The following NRXN3 variants were observed in gnomAD, a reference collection of about 807,000 sequenced individuals.
NRXN3 encodes the protein neurexin III.
NRXN3 carries 32 observed loss-of-function variants against 137.6 expected under a neutral mutation model. That is an observed-to-expected ratio of 0.23 (90% CI 0.18 to 0.31). The LOEUF is 0.31. Ranked by LOEUF, NRXN3 falls within the 10% of genes least tolerant of loss-of-function variation. The pLI is 1.00. For synonymous variants in NRXN3, 798 were observed against 784.5 expected (o/e 1.02, Z -0.29); for missense variants, 1,574 against 2,062.5 (o/e 0.76, Z 4.59).
intron 16 of NRXN3, among the ~76,000 whole-genome samples, chr14:79,499,974 T>TGTGTGTGTGTGTGC (rs2096804709): frequency 6.6e-6 from 1 of 151,612 alleles, no homozygotes; most frequent in African/African-American, 2.4e-5. Context: ...TGTGTGTGTG[T>TGTGTGTGTGTGTGC]GTGTGTGTGT....
intron 4 of NRXN3, among the ~76,000 whole-genome samples, chr14:78,394,907 G>A (rs911854679): frequency 6.6e-6 from 1 of 151,740 alleles, no homozygotes; most frequent in African/African-American, 2.4e-5. Context: ...TTCGGGGGCT[G>A]TAGTGATATC....
chr14:79,286,738 C>T (rs1220621184), intron 15 of NRXN3, among the ~76,000 whole-genome samples: 1 of 151,848 alleles, frequency 6.6e-6, no homozygotes, highest in African/African-American at 2.4e-5. Flanking sequence ...GTGGGAACAA[C>T]TATGGTTGGA....
intron 15 of NRXN3, chr14:79,280,285 G>A (rs769338704): frequency 6.2e-7 from 1 of 1,613,810 alleles, no homozygotes; most frequent in African/African-American, 1.3e-5. Flanking sequence ...GGTCCCGTGC[G>A]TTGACCATGC....
rs562737105 is a variant in NRXN3 at position 78,243,862 on chromosome 14, C to T, written c.709+60C>T. On this transcript the variant is annotated intron_variant, in intron 2 of 20. Coordinates refer to ENST00000335750, the MANE Select transcript of NRXN3 (RefSeq NM_001330195.2). The surrounding 1 kb of genome is among the most constrained non-coding windows in gnomAD (Gnocchi z 4.2). Reference sequence around the variant, plus strand: ...CCACGGGATGGCTGAGGCTGGGGCTCCTGATACAAACCAGTTCTATATGGA... The same window carrying T: ...CCACGGGATGGCTGAGGCTGGGGCTTCTGATACAAACCAGTTCTATATGGA... 45 of 1,318,542 alleles carry T rather than the reference C, an allele frequency of 3.4e-5. No individual in the cohort carries two copies. Among genetic ancestry groups the T allele is most frequent in the Middle Eastern group, 1.9e-4 (1 of 5,290 alleles). 81.7% of individuals were successfully genotyped at this position (1,318,542 alleles called of 1,614,324 possible).
chr14:78,641,022 A>ATTT (rs1438355252), intron 4 of NRXN3, among the ~76,000 whole-genome samples: 1 of 152,232 alleles, frequency 6.6e-6, no homozygotes, highest in Non-Finnish European at 1.5e-5. Flanking sequence ...GCTTGAATAA[A>ATTT]TACAAGGTGA....
At chr14:79,661,885 TC>T (rs2098536043) in intron 16 of NRXN3, 1 of 152,112 alleles carries the variant, frequency 6.6e-6, no homozygotes, top group African/African-American at 2.4e-5. Context: ...TTGGCTGTGT[TC>T]CCACGCAAAT....
At chr14:78,655,651 TA>T (rs201129912) in intron 6 of NRXN3, among the ~76,000 whole-genome samples, 22 of 151,778 alleles carry the variant, frequency 1.4e-4, no homozygotes, top group African/African-American at 4.3e-4. Context: ...ACCCTGACAT[TA>T]AAAAAAATGC....
At chr14:78,201,529 G>T (rs766303350) in intron 1 of NRXN3, among the ~76,000 whole-genome samples, 16 of 152,338 alleles carry the variant, frequency 1.1e-4, no homozygotes, top group South Asian at 2.1e-4. Flanking sequence ...CAGGCATGGG[G>T]GCAGTGGTGA....
chr14:79,832,145 G>C (rs1017182144), intron 20 of NRXN3, among the ~76,000 whole-genome samples: 1 of 151,868 alleles, frequency 6.6e-6, no homozygotes, highest in Admixed American at 6.6e-5. Context: ...ATCCAACATA[G>C]TTGTTATACT....
At chr14:79,580,150 C>CAT (rs1424922978) in intron 16 of NRXN3, among the ~76,000 whole-genome samples, 2 of 152,144 alleles carry the variant, frequency 1.3e-5, no homozygotes, top group Non-Finnish European at 2.9e-5. Flanking sequence ...AAATAGTATT[C>CAT]ATATATATAT....
chr14:79,251,509 A>G (rs1178232783), intron 15 of NRXN3, among the ~76,000 whole-genome samples: 3 of 152,290 alleles, frequency 2.0e-5, no homozygotes, highest in African/African-American at 7.2e-5. Context: ...GTGAAAAGTA[A>G]TAAGGAAAAT....
At chr14:79,268,300 C>T (rs987970095) in intron 15 of NRXN3, among the ~76,000 whole-genome samples, 1 of 151,988 alleles carries the variant, frequency 6.6e-6, no homozygotes. Flanking sequence ...CAGGATATAA[C>T]GATGTTTTTA....
chr14:79,830,337 T>C (rs1471105190), intron 20 of NRXN3, among the ~76,000 whole-genome samples: 1 of 152,228 alleles, frequency 6.6e-6, no homozygotes, highest in African/African-American at 2.4e-5. Context: ...AGAGTTTGGT[T>C]TGAGAAGTGG....
chr14:79,591,087 C>T (rs748648342), intron 16 of NRXN3, among the ~76,000 whole-genome samples: 45 of 152,210 alleles, frequency 3.0e-4, no homozygotes, highest in Middle Eastern at 3.2e-3. Context: ...TCATTAACAA[C>T]ATGGGCTCTT....
chr14:79,755,152 C>A (rs1194430452), intron 19 of NRXN3, among the ~76,000 whole-genome samples: 1 of 152,084 alleles, frequency 6.6e-6, no homozygotes, highest in East Asian at 1.9e-4. Context: ...GTCAAGATGA[C>A]CCATTTCTCA....
At chr14:79,245,473 A>T (rs544948295) in intron 15 of NRXN3, among the ~76,000 whole-genome samples, 1 of 152,178 alleles carries the variant, frequency 6.6e-6, no homozygotes, top group Non-Finnish European at 1.5e-5. Context: ...AAAAAGCGAG[A>T]TGAGAGAGAA....
At chr14:78,805,764 A>C (rs1301142804) in intron 9 of NRXN3, among the ~76,000 whole-genome samples, 1 of 152,214 alleles carries the variant, frequency 6.6e-6, no homozygotes, top group Non-Finnish European at 1.5e-5. Flanking sequence ...CAGTGTCATT[A>C]AACAGACATT....
chr14:78,215,777 G>GT (rs1322669929), intron 1 of NRXN3, among the ~76,000 whole-genome samples: 3 of 136,306 alleles, frequency 2.2e-5, no homozygotes, highest in Admixed American at 7.3e-5. Flanking sequence ...GGGGTGGGGG[G>GT]GGCAGGGGTT....
chr14:79,782,724 A>C (rs961260626), intron 19 of NRXN3, among the ~76,000 whole-genome samples: 8 of 152,182 alleles, frequency 5.3e-5, no homozygotes, highest in Non-Finnish European at 1.0e-4. Flanking sequence ...GTCAGATCTA[A>C]CTTATATGAG....
Sources: allele counts gnomAD v4.1 joint callset (sites outside exome capture counted in the v4.1 genomes callset), GRCh38; gene constraint gnomAD v4.1.1; non-coding constraint Gnocchi (gnomAD v3.1); transcripts MANE v1.5; gene names NCBI Gene and HGNC (gene_info 2026-07-23, HGNC 2026-07-21).